The following WDR89 variants were observed in gnomAD, a reference collection of about 807,000 sequenced individuals.
WDR89 encodes WD repeat domain 89.
Under a neutral mutation model 29.1 loss-of-function variants are expected in WDR89, and 17 were observed. The ratio of observed to expected loss-of-function variants is 0.58; its 90% CI spans 0.40 to 0.88. The LOEUF is 0.88. Among genes scored for constraint, WDR89 ranks in the 40% least tolerant of loss-of-function variants. The probability of loss-of-function intolerance (pLI) is 0.00; values close to 1 mark genes in which losing one functional copy is unlikely to be tolerated. For missense variants in WDR89, 396 were observed against 456.3 expected, an observed-to-expected ratio of 0.87 and a Z score of 1.20; for synonymous variants, 138 against 157.8, an observed-to-expected ratio of 0.87 and a Z score of 0.94.
intron 2 of WDR89, among the ~76,000 whole-genome samples, chr14:63,606,242 C>T (rs1377792047): frequency 6.6e-6 from 1 of 152,050 alleles, no homozygotes; most frequent in Non-Finnish European, 1.5e-5. Flanking sequence ...GCCACTGTCC[C>T]CAGCCTGTGT....
chr14:63,609,642 T>C (rs1397454871), intron 2 of WDR89, among the ~76,000 whole-genome samples: 1 of 151,900 alleles, frequency 6.6e-6, no homozygotes, highest in Non-Finnish European at 1.5e-5. Flanking sequence ...ATACAAAAAT[T>C]AGCCAAGGGT....
intron 2 of WDR89, among the ~76,000 whole-genome samples, chr14:63,602,493 C>T (rs1340199463): frequency 1.4e-5 from 2 of 140,604 alleles, no homozygotes; most frequent in Non-Finnish European, 3.0e-5. Context: ...AAAAAGATGG[C>T]TGGACATGGT....
At chr14:63,600,887 A>C (rs908348964) in intron 2 of WDR89, among the ~76,000 whole-genome samples, 1 of 152,132 alleles carries the variant, frequency 6.6e-6, no homozygotes, top group African/African-American at 2.4e-5. Context: ...AAATAGGGAG[A>C]TTATCCTAGA....
rs915702433 is a variant in WDR89 at position 63,597,545 on chromosome 14, C to T, written c.*1234G>A. The T allele has an allele frequency of 1.3e-5, 2 of 152,180 alleles. No individual in the cohort carries two copies. The highest frequency in any genetic ancestry group is 2.9e-5 in the Non-Finnish European group (2 of 68,046). 9.4% of individuals were successfully genotyped at this position (152,180 alleles called of 1,614,324 possible). A position where few individuals can be genotyped will look rare whatever the true frequency, so the allele number is the denominator to read the frequency against. On this transcript the variant is annotated 3_prime_UTR_variant, in exon 3 of 3. Transcript: ENST00000620954. Reference sequence around the variant, plus strand: ...ATTTTCTCACCTACATCTTCCAACACTATTAATTACTTTTGAATTTTAAAT... The same window carrying T: ...ATTTTCTCACCTACATCTTCCAACATTATTAATTACTTTTGAATTTTAAAT...
chr14:63,625,331 T>C (rs544651217), intron 1 of WDR89, among the ~76,000 whole-genome samples: 15 of 150,356 alleles, frequency 1.0e-4, no homozygotes, highest in African/African-American at 3.7e-4. Context: ...AGGAAACTTT[T>C]TGGGTGATGA....
At chr14:63,614,572 G>A (rs1429143516) in intron 2 of WDR89, among the ~76,000 whole-genome samples, 3 of 152,168 alleles carry the variant, frequency 2.0e-5, no homozygotes, top group Non-Finnish European at 4.4e-5. Flanking sequence ...AGAGGGAAGA[G>A]TAAAATAGGA....
chr14:63,621,213 T>C (rs1882674115), intron 2 of WDR89, among the ~76,000 whole-genome samples: 1 of 152,144 alleles, frequency 6.6e-6, no homozygotes, highest in African/African-American at 2.4e-5. Flanking sequence ...AAACATATGT[T>C]CGTGCAAAAA....
At chr14:63,603,153 C>T (rs913213913) in intron 2 of WDR89, among the ~76,000 whole-genome samples, 1 of 152,052 alleles carries the variant, frequency 6.6e-6, no homozygotes, top group Non-Finnish European at 1.5e-5. Context: ...CATCACAGCT[C>T]ATTAATTTTC....
intron 2 of WDR89, among the ~76,000 whole-genome samples, chr14:63,624,589 C>T (rs1218840353): frequency 2.7e-5 from 4 of 149,960 alleles, no homozygotes; most frequent in Admixed American, 2.7e-4. Context: ...GTTGCTATAT[C>T]CAGAATATAT....
chr14:63,618,675 A>C (rs1595028359), intron 2 of WDR89, among the ~76,000 whole-genome samples: 1 of 152,252 alleles, frequency 6.6e-6, no homozygotes. Context: ...CAGAAAGAAA[A>C]ATAGAAAAGA....
At chr14:63,607,231 C>T (rs564360243) in intron 2 of WDR89, among the ~76,000 whole-genome samples, 101 of 152,234 alleles carry the variant, frequency 6.6e-4, no homozygotes, top group African/African-American at 2.2e-3. Context: ...GACACCATCT[C>T]GGTTCACTGC....
chr14:63,636,434 C>T (rs1439966466), intron 1 of WDR89, among the ~76,000 whole-genome samples: 1 of 152,102 alleles, frequency 6.6e-6, no homozygotes, highest in African/African-American at 2.4e-5. Flanking sequence ...TCATATGGAA[C>T]CAAAAAGGAG....
At chr14:63,616,993 CAA>C (rs560043617) in intron 2 of WDR89, among the ~76,000 whole-genome samples, 2 of 116,236 alleles carry the variant, frequency 1.7e-5, no homozygotes, top group South Asian at 2.8e-4. Context: ...ATTCTTGTCT[CAA>C]AAAAAAAAAG....
chr14:63,607,717 A>C (rs1021992518), intron 2 of WDR89, among the ~76,000 whole-genome samples: 1 of 151,450 alleles, frequency 6.6e-6, no homozygotes, highest in Non-Finnish European at 1.5e-5. Context: ...ACCCATCTCT[A>C]CTAAAAATAC....
intron 2 of WDR89, among the ~76,000 whole-genome samples, chr14:63,606,038 C>T (rs1895305476): frequency 6.6e-6 from 1 of 151,830 alleles, no homozygotes; most frequent in Non-Finnish European, 1.5e-5. Context: ...GGTCTTGTTC[C>T]ATCACTCAGC....
rs58161137 is a variant in WDR89 at position 63,602,462 on chromosome 14, CAAAAAAAAAAA to C, written c.-31-2500_-31-2490del. On this transcript the variant is annotated intron_variant, in intron 2 of 2. Transcript: ENST00000620954. ...TGAACAACAGAGTGAGATTCCTACT[CAAAAAAAAAAA>C]AAAAAAAAAAAAAAGATGGCTGGAC... Among the ~76,000 whole-genome samples the C allele has an allele frequency of 2.5e-4, 9 of 35,640 alleles. No homozygotes were observed. The South Asian group carries it at 5.2e-3, about 21-fold the overall frequency. The allele number at this position is 35,640 out of a possible 152,430, so 23.4% of individuals were successfully genotyped here. A position where few individuals can be genotyped will look rare whatever the true frequency, so the allele number is the denominator to read the frequency against.
At chr14:63,605,550 C>A (rs1299844330) in intron 2 of WDR89, among the ~76,000 whole-genome samples, 1 of 151,990 alleles carries the variant, frequency 6.6e-6, no homozygotes, top group Non-Finnish European at 1.5e-5. Context: ...ACCTCTGCCT[C>A]CCGGGTTCAA....
intron 2 of WDR89, among the ~76,000 whole-genome samples, chr14:63,610,240 A>C (rs953703695): frequency 2.0e-5 from 3 of 151,332 alleles, no homozygotes; most frequent in Non-Finnish European, 2.9e-5. Context: ...AAAAAAAAAA[A>C]AAAACTCTTG....
chr14:63,633,345 G>A (rs144302172), intron 1 of WDR89, among the ~76,000 whole-genome samples: 17 of 151,966 alleles, frequency 1.1e-4, no homozygotes, highest in Non-Finnish European at 2.4e-4. Context: ...CAAGCAGAAA[G>A]ACACTTTAAC....
Sources: allele counts gnomAD v4.1 joint callset (sites outside exome capture counted in the v4.1 genomes callset), GRCh38; gene constraint gnomAD v4.1.1; transcripts MANE v1.5; gene names NCBI Gene and HGNC (gene_info 2026-07-23, HGNC 2026-07-21).